PLXNA4: variants seen among roughly 807,000 people sequenced by gnomAD.
PLXNA4 encodes the protein plexin-A4.
A neutral mutation model predicts 191.8 loss-of-function variants in PLXNA4; 44 were observed. The observed-to-expected ratio is 0.23, with a 90% CI of 0.18 to 0.29. The LOEUF (loss-of-function observed/expected upper bound fraction) is 0.29. Ranked by LOEUF, PLXNA4 falls within the 10% of genes least tolerant of loss-of-function variation. The probability of loss-of-function intolerance (pLI) is 1.00; values close to 1 mark genes in which losing one functional copy is unlikely to be tolerated. For synonymous variants in PLXNA4, 1,082 were observed against 1,009.5 expected (o/e 1.07, Z -1.36); for missense variants, 1,800 against 2,488.8 (o/e 0.72, Z 5.89).
intron 14 of PLXNA4, among the ~76,000 whole-genome samples, chr7:132,188,230 C>G (rs894200714): frequency 1.3e-5 from 2 of 152,150 alleles, no homozygotes; most frequent in African/African-American, 4.8e-5. Context: ...CAAGGGCTGC[C>G]CCCAGCCCTC....
chr7:132,325,522 G>A (rs908334248), intron 3 of PLXNA4, among the ~76,000 whole-genome samples: 6 of 152,066 alleles, frequency 3.9e-5, no homozygotes, highest in African/African-American at 1.4e-4. Flanking sequence ...ATTGATTAGG[G>A]TGGAGTCTAC....
At chr7:132,599,726 C>CTTTCAATAG (rs1802781819) in intron 2 of PLXNA4, among the ~76,000 whole-genome samples, 1 of 151,286 alleles carries the variant, frequency 6.6e-6, no homozygotes, top group Non-Finnish European at 1.5e-5. Flanking sequence ...GCTATATTGT[C>CTTTCAATAG]TTTCAATAGC....
chr7:132,647,114 TAC>T (rs1209738545), intron 1 of PLXNA4, among the ~76,000 whole-genome samples: 72 of 150,422 alleles, frequency 4.8e-4, no homozygotes, highest in African/African-American at 1.7e-3. Flanking sequence ...TACACGCATA[TAC>T]ACTCACACAT....
At chr7:132,378,399 G>T (rs1363029470) in intron 3 of PLXNA4, among the ~76,000 whole-genome samples, 1 of 152,142 alleles carries the variant, frequency 6.6e-6, no homozygotes, top group African/African-American at 2.4e-5. Flanking sequence ...ATTATTTCTT[G>T]AGTCATTGGT....
intron 3 of PLXNA4, among the ~76,000 whole-genome samples, chr7:132,445,933 G>C (rs13437844): frequency 6.6e-6 from 1 of 152,136 alleles, no homozygotes; most frequent in South Asian, 2.1e-4. Flanking sequence ...AAAAACTCCC[G>C]AGACCTTGAT....
intron 3 of PLXNA4, among the ~76,000 whole-genome samples, chr7:132,340,371 G>A (rs1389682749): frequency 6.6e-6 from 1 of 152,206 alleles, no homozygotes; most frequent in Non-Finnish European, 1.5e-5. Flanking sequence ...CTGTTGCTAG[G>A]CAACCAAGCC....
At chr7:132,283,344 T>G (rs1006091379) in intron 4 of PLXNA4, among the ~76,000 whole-genome samples, 1 of 152,208 alleles carries the variant, frequency 6.6e-6, no homozygotes, top group Non-Finnish European at 1.5e-5. Context: ...AATGTGTGCC[T>G]TTTGGAAAAG....
intron 1 of PLXNA4, among the ~76,000 whole-genome samples, chr7:132,569,883 A>T (rs1304741206): frequency 6.6e-6 from 1 of 152,200 alleles, no homozygotes; most frequent in Non-Finnish European, 1.5e-5. Flanking sequence ...TTGCTCACAC[A>T]ATCACCAGAA....
At chr7:132,348,073 G>T (rs1040475017) in intron 3 of PLXNA4, among the ~76,000 whole-genome samples, 3 of 152,128 alleles carry the variant, frequency 2.0e-5, no homozygotes, top group African/African-American at 7.2e-5. Flanking sequence ...GGGGCAGGAG[G>T]TGTCAGATAT....
intron 30 of PLXNA4, among the ~76,000 whole-genome samples, chr7:132,138,405 C>T (rs1795174535): frequency 6.6e-6 from 1 of 152,126 alleles, no homozygotes; most frequent in African/African-American, 2.4e-5. Context: ...TGCTGTGGTC[C>T]CAGGTGAGGT....
At chr7:132,344,490 C>G (rs747679049) in intron 3 of PLXNA4, among the ~76,000 whole-genome samples, 1 of 152,162 alleles carries the variant, frequency 6.6e-6, no homozygotes, top group African/African-American at 2.4e-5. Context: ...CGTGGAGCAA[C>G]TGCATGTGCC....
intron 1 of PLXNA4, among the ~76,000 whole-genome samples, chr7:132,567,146 T>G (rs765044700): frequency 1.6e-4 from 25 of 152,304 alleles, no homozygotes; most frequent in Non-Finnish European, 3.4e-4. Context: ...ACAACAGGTC[T>G]TCTTCACCTT....
chr7:132,554,801 C>T (rs1380156257), intron 1 of PLXNA4, among the ~76,000 whole-genome samples: 1 of 152,156 alleles, frequency 6.6e-6, no homozygotes, highest in Non-Finnish European at 1.5e-5. Flanking sequence ...CAAGTGAGGA[C>T]ATCCAAGTAT....
At chr7:132,326,008 G>T (rs770704736) in intron 3 of PLXNA4, among the ~76,000 whole-genome samples, 1 of 152,170 alleles carries the variant, frequency 6.6e-6, no homozygotes, top group Non-Finnish European at 1.5e-5. Context: ...CAGACAGCTG[G>T]CTAAACTTTA....
At position 132,194,193 on chromosome 7, in the gene PLXNA4, A is replaced by G. The variant is rs773578654; in HGVS notation, c.2739-14T>C. On this transcript the variant is annotated splice_polypyrimidine_tract_variant and intron_variant, in intron 13 of 31. Coordinates refer to ENST00000321063, the MANE Select transcript of PLXNA4 (RefSeq NM_020911.2). ...TCACACACGATCCTGCAGGGAGGAT[A>G]GGAGAAATCCCATGGGTCACAGGAC... 1.9e-6 allele frequency: 3 copies of G among 1,608,872 alleles called. No homozygotes were observed. The highest frequency in any genetic ancestry group is 2.2e-5 in the East Asian group (1 of 44,780).
chr7:132,503,213 C>T (rs1256201448), intron 2 of PLXNA4, among the ~76,000 whole-genome samples: 1 of 152,210 alleles, frequency 6.6e-6, no homozygotes, highest in Non-Finnish European at 1.5e-5. Flanking sequence ...GTGCATCTCT[C>T]TCCTCCACTG....
At chr7:132,471,188 T>C (rs1796920694) in intron 3 of PLXNA4, among the ~76,000 whole-genome samples, 2 of 152,180 alleles carry the variant, frequency 1.3e-5, no homozygotes, top group Non-Finnish European at 2.9e-5. Context: ...CTGCTCTCGA[T>C]TCGCCTTCTG....
chr7:132,340,837 C>T (rs538515661), intron 3 of PLXNA4, among the ~76,000 whole-genome samples: 42 of 152,284 alleles, frequency 2.8e-4, no homozygotes, highest in Admixed American at 1.4e-3. Context: ...GCCACCACGC[C>T]TGGCTAATTT....
intron 3 of PLXNA4, among the ~76,000 whole-genome samples, chr7:132,328,684 T>G (rs1362306661): frequency 6.6e-6 from 1 of 152,230 alleles, no homozygotes; most frequent in Non-Finnish European, 1.5e-5. Flanking sequence ...GAGCATGGGC[T>G]TGGTCTCTGC....
Sources: allele counts gnomAD v4.1 joint callset (sites outside exome capture counted in the v4.1 genomes callset), GRCh38; gene constraint gnomAD v4.1.1; transcripts MANE v1.5; gene names NCBI Gene and HGNC (gene_info 2026-07-23, HGNC 2026-07-21).